KCNQ1: variants seen among roughly 807,000 people sequenced by gnomAD.
KCNQ1 encodes potassium voltage-gated channel subfamily Q member 1, also known as potassium voltage-gated channel subfamily KQT member 1.
In KCNQ1, 49 loss-of-function variants were observed where a neutral mutation model predicts 72.4. The observed-to-expected ratio is 0.68, with a 90% CI of 0.54 to 0.86. The LOEUF (loss-of-function observed/expected upper bound fraction) is 0.86. Among genes scored for constraint, KCNQ1 ranks in the 40% least tolerant of loss-of-function variants. KCNQ1 has a pLI of 0.00. For missense variants in KCNQ1, 790 were observed against 945.1 expected, an observed-to-expected ratio of 0.84 and a Z score of 2.15; for synonymous variants, 450 against 412.6, an observed-to-expected ratio of 1.09 and a Z score of -1.10.
Position 2,785,573 on chromosome 11 carries a change from A to G in KCNQ1, c.1794+7536A>G, listed in dbSNP as rs1429705355. On this transcript the variant is annotated intron_variant, in intron 15 of 15. Coordinates refer to ENST00000155840, the MANE Select transcript of KCNQ1 (RefSeq NM_000218.3). This position sits in a 1 kb window ranked among gnomAD's most constrained non-coding sequence, Gnocchi z 4.4. ...AGGATTTCAGGTTTGTCTTTTGTAA[A>G]CACTGTATTACTGAGTTTTTAAAAA... 1.3e-5 allele frequency among the ~76,000 whole-genome samples: 2 copies of G among 151,762 alleles called. No homozygotes were observed. Among genetic ancestry groups the G allele is most frequent in the Non-Finnish European group, 1.5e-5 (1 of 67,780 alleles).
In KCNQ1 at chr11:2,642,006, C is replaced by T. The variant is rs1237153012; in HGVS notation, c.1394-19955C>T. The T allele has an allele frequency of 1.8e-5, 7 of 398,256 alleles. No homozygotes were observed. Among genetic ancestry groups the T allele is most frequent in the African/African-American group, 6.2e-5 (3 of 48,600 alleles). 24.7% of individuals were successfully genotyped at this position (398,256 alleles called of 1,614,324 possible). A position where few individuals can be genotyped will look rare whatever the true frequency, so the allele number is the denominator to read the frequency against. On this transcript the variant is annotated intron_variant, in intron 10 of 15. Coordinates refer to ENST00000155840, the MANE Select transcript of KCNQ1 (RefSeq NM_000218.3). The surrounding 1 kb of genome is among the most constrained non-coding windows in gnomAD (Gnocchi z 4.3). ...TGGTCTATCAGTTTTTATTCCAATA[C>T]CATGCTGCTTTTAATGCTATAGCCT...
At position 2,601,645 on chromosome 11, in the gene KCNQ1, G is replaced by T. The variant is rs962766480; in HGVS notation, c.1393+12791G>T. On this transcript the variant is annotated intron_variant, in intron 10 of 15. Transcript: ENST00000155840. This position sits in a 1 kb window ranked among gnomAD's most constrained non-coding sequence, Gnocchi z 5.2. Reference sequence around the variant, plus strand: ...TCTCTAGTTTTGTCTTTTCAAAAATGCCACGTAAATGGAATCACACAATAC... The same window carrying T: ...TCTCTAGTTTTGTCTTTTCAAAAATTCCACGTAAATGGAATCACACAATAC... Among the ~76,000 whole-genome samples the T allele has an allele frequency of 6.6e-6, 1 of 152,168 alleles. No individual in the cohort carries two copies. Among genetic ancestry groups the T allele is most frequent in the Non-Finnish European group, 1.5e-5 (1 of 68,038 alleles).
chr11:2,578,150 C>T (rs1848449473), intron 6 of KCNQ1, among the ~76,000 whole-genome samples: 1 of 152,256 alleles, frequency 6.6e-6, no homozygotes, highest in Non-Finnish European at 1.5e-5. Context: ...ACAGGCTGGC[C>T]ACGTGCCAAG....
rs1195809320 is a variant in KCNQ1, at chr11:2,827,641, CG to C, written c.1795-20119del. 3.5e-4 allele frequency among the ~76,000 whole-genome samples: 2 copies of C among 5,784 alleles called. No homozygotes were observed. Among genetic ancestry groups the C allele is most frequent in the Non-Finnish European group, 6.4e-4 (2 of 3,104 alleles). The allele number at this position is 5,784 out of a possible 152,430, so 3.8% of individuals were successfully genotyped here. A position where few individuals can be genotyped will look rare whatever the true frequency, so the allele number is the denominator to read the frequency against. ...GTTGATTAAAAAAAAAAAGTGGGGT[CG>C]GGGGGGCGGGGGAGAGCGGCTATGG... is the stretch of plus-strand genomic sequence containing the variant. On this transcript the variant is annotated intron_variant, in intron 15 of 15. Coordinates refer to ENST00000155840, the MANE Select transcript of KCNQ1 (RefSeq NM_000218.3). This position sits in a 1 kb window ranked among gnomAD's most constrained non-coding sequence, Gnocchi z 6.7.
In KCNQ1 at chr11:2,500,811, G is replaced by A. The variant is rs955845748; in HGVS notation, c.387-27117G>A. On this transcript the variant is annotated intron_variant, in intron 1 of 15. Coordinates refer to ENST00000155840, the MANE Select transcript of KCNQ1 (RefSeq NM_000218.3). Reference sequence around the variant, plus strand: ...ACACCACATGTTCTCACTCATAAGCGGGAGTTGAACAAGGAGAACACATGG... The same window carrying A: ...ACACCACATGTTCTCACTCATAAGCAGGAGTTGAACAAGGAGAACACATGG... Among the ~76,000 whole-genome samples the A allele has an allele frequency of 8.0e-5, 12 of 150,576 alleles. No individual in the cohort carries two copies. The East Asian group carries it at 9.8e-4, about 12-fold the overall frequency.
At position 2,445,464 on chromosome 11, in the gene KCNQ1, C is replaced by T. The variant is rs1321923047; in HGVS notation, c.366C>T (p.Cys122=). ...TCGAGCGTCCCACCGGCTGGAAATG[C>T]TTCGTTTACCACTTCGCCGTGTGAG... ...NFLERPTGWK[C]FVYHFAVFLI... Residue 122 remains cysteine, a synonymous_variant, in exon 1 of 16, where the codon TGC becomes TGT. Coordinates refer to ENST00000155840, the MANE Select transcript of KCNQ1 (RefSeq NM_000218.3). 1 of 1,596,228 alleles carries T rather than the reference C, an allele frequency of 6.3e-7. No individual in the cohort carries two copies. The highest frequency in any genetic ancestry group is 1.1e-5 in the South Asian group (1 of 90,700).
rs980773531 is a variant in KCNQ1 at position 2,457,316 on chromosome 11, A to G, written c.386+11832A>G. ...GTGCTGAGTTTATACCCAAAGAAAAATTAGTCGTTCTACCAAAAAGACATA... is the reference window on the plus strand; with the variant it reads ...GTGCTGAGTTTATACCCAAAGAAAAGTTAGTCGTTCTACCAAAAAGACATA... On this transcript the variant is annotated intron_variant, in intron 1 of 15. Transcript: ENST00000155840. This position sits in a 1 kb window ranked among gnomAD's most constrained non-coding sequence, Gnocchi z 5.0. Among the ~76,000 whole-genome samples, 1 of 152,216 alleles carries G rather than the reference A, an allele frequency of 6.6e-6. No individual in the cohort carries two copies. Among genetic ancestry groups the G allele is most frequent in the African/African-American group, 2.4e-5 (1 of 41,452 alleles).
intron 11 of KCNQ1, among the ~76,000 whole-genome samples, chr11:2,761,921 A>G (rs1323256779): frequency 1.3e-5 from 2 of 152,236 alleles, no homozygotes; most frequent in African/African-American, 4.8e-5. Context: ...CGGCCTGTGA[A>G]GCAGCCACGG....
chr11:2,834,832 A>G (rs1848028662), intron 15 of KCNQ1, among the ~76,000 whole-genome samples: 2 of 152,220 alleles, frequency 1.3e-5, no homozygotes, highest in African/African-American at 4.8e-5. Context: ...TTCCGGGGCA[A>G]GAATCCAGCC....
At chr11:2,811,893 C>A (rs1309650175) in intron 15 of KCNQ1, among the ~76,000 whole-genome samples, 1 of 152,204 alleles carries the variant, frequency 6.6e-6, no homozygotes, top group Non-Finnish European at 1.5e-5. Context: ...GTTTCCTGAG[C>A]TCCCGAGTGC....
intron 11 of KCNQ1, chr11:2,693,158 T>C (rs1000004350): frequency 2.8e-5 from 11 of 398,596 alleles, no homozygotes; most frequent in Non-Finnish European, 1.8e-5. Flanking sequence ...GTCTACACTC[T>C]GTGATCCACT....
At chr11:2,576,643 C>T (rs993356953) in intron 6 of KCNQ1, among the ~76,000 whole-genome samples, 4 of 152,270 alleles carry the variant, frequency 2.6e-5, no homozygotes, top group Admixed American at 1.3e-4. Flanking sequence ...CTCTCCTCAC[C>T]TGGAGCCTCC....
chr11:2,791,904 C>T (rs1004444498), intron 15 of KCNQ1, among the ~76,000 whole-genome samples: 3 of 152,222 alleles, frequency 2.0e-5, no homozygotes, highest in Admixed American at 6.5e-5. Context: ...GGCGCACGGC[C>T]GTCCCTGCAC....
intron 11 of KCNQ1, chr11:2,681,110 G>GC (rs778719674): frequency 2.8e-5 from 11 of 398,326 alleles, no homozygotes; most frequent in Non-Finnish European, 3.5e-5. Context: ...TTAAATAGAT[G>GC]CCCCCCAAAA....
chr11:2,460,308 G>C (rs1397993373), intron 1 of KCNQ1, among the ~76,000 whole-genome samples: 1 of 152,244 alleles, frequency 6.6e-6, no homozygotes, highest in Non-Finnish European at 1.5e-5. Context: ...TGGCTGGACA[G>C]ATACTGCGCC....
chr11:2,796,666 A>G (rs551890260), intron 15 of KCNQ1, among the ~76,000 whole-genome samples: 1 of 152,302 alleles, frequency 6.6e-6, no homozygotes, highest in South Asian at 2.1e-4. Flanking sequence ...CTGGGCCTGA[A>G]GATAATGGGC....
At position 2,677,130 on chromosome 11, in the gene KCNQ1, C is replaced by T. The variant is rs1773994562; in HGVS notation, c.1514+15049C>T. The T allele has an allele frequency of 2.5e-6, 1 of 398,418 alleles. No individual in the cohort carries two copies. The highest frequency in any genetic ancestry group is 4.4e-6 in the Non-Finnish European group (1 of 226,052). 24.7% of individuals were successfully genotyped at this position (398,418 alleles called of 1,614,324 possible). A position where few individuals can be genotyped will look rare whatever the true frequency, so the allele number is the denominator to read the frequency against. ...ATGAAATTAGTTTCCCTGAAACATCCCTCCCTATTGAACACTGTTGTTTCT... is the reference window on the plus strand; with the variant it reads ...ATGAAATTAGTTTCCCTGAAACATCTCTCCCTATTGAACACTGTTGTTTCT... On this transcript the variant is annotated intron_variant, in intron 11 of 15. Transcript: ENST00000155840. This position sits in a 1 kb window ranked among gnomAD's most constrained non-coding sequence, Gnocchi z 4.5.
At chr11:2,519,776 C>G (rs564361766) in intron 1 of KCNQ1, among the ~76,000 whole-genome samples, 95 of 56,410 alleles carry the variant, frequency 1.7e-3, no homozygotes, top group Non-Finnish European at 3.2e-3. Flanking sequence ...GGTGTTGGCC[C>G]CCCCCCACAA....
intron 10 of KCNQ1, chr11:2,650,404 T>C: frequency 2.5e-6 from 1 of 398,630 alleles, no homozygotes. Flanking sequence ...TGGAGTAGCC[T>C]TAGTAAGGAC....
Sources: allele counts gnomAD v4.1 joint callset (sites outside exome capture counted in the v4.1 genomes callset), GRCh38; gene constraint gnomAD v4.1.1; non-coding constraint Gnocchi (gnomAD v3.1); transcripts MANE v1.5; gene names NCBI Gene and HGNC (gene_info 2026-07-23, HGNC 2026-07-21).